The following VAV1 variants were observed in gnomAD, a reference collection of about 807,000 sequenced individuals.
VAV1 encodes vav guanine nucleotide exchange factor 1, also known as proto-oncogene vav.
VAV1 carries 33 observed loss-of-function variants against 128.1 expected under a neutral mutation model. That is an observed-to-expected ratio of 0.26 (90% CI 0.20 to 0.34). The LOEUF (loss-of-function observed/expected upper bound fraction) is 0.34. Ranked by LOEUF, VAV1 falls within the 10% of genes least tolerant of loss-of-function variation. The pLI is 1.00. For missense variants in VAV1, 715 were observed against 1,093.7 expected (o/e 0.65, Z 4.88); for synonymous variants, 394 against 409.8 (o/e 0.96, Z 0.47).
intron 1 of VAV1, 46 bp downstream of exon 1, chr19:6,773,057 C>T: frequency 6.2e-7 from 1 of 1,609,748 alleles, no homozygotes; most frequent in Middle Eastern, 1.7e-4. Context: ...AGACGGGGGT[C>T]CTCCCCGGGG....
intron 1 of VAV1, among the ~76,000 whole-genome samples, chr19:6,773,451 C>T (rs1970547775): frequency 1.3e-5 from 2 of 152,180 alleles, no homozygotes; most frequent in South Asian, 4.1e-4. Flanking sequence ...TCTTCCCCCA[C>T]ATGTGTCTCC....
chr19:6,856,254 G>A (rs184546903), intron 26 of VAV1, among the ~76,000 whole-genome samples: 3 of 151,644 alleles, frequency 2.0e-5, no homozygotes, highest in Admixed American at 6.6e-5. Context: ...CTGAGATCGC[G>A]CCACTGCACT....
chr19:6,793,453 T>C (rs150760063), intron 1 of VAV1, among the ~76,000 whole-genome samples: 150 of 152,188 alleles, frequency 9.9e-4, no homozygotes, highest in African/African-American at 3.5e-3. Context: ...GGGTGATTTG[T>C]TGGGGGAGCT....
chr19:6,804,160 T>C (rs1971333686), intron 1 of VAV1, among the ~76,000 whole-genome samples: 1 of 151,860 alleles, frequency 6.6e-6, no homozygotes, highest in Non-Finnish European at 1.5e-5. Context: ...ATACCCATCA[T>C]CATACATGTG....
rs1039568688 is a variant in VAV1 at position 6,842,402 on chromosome 19, G to A, written c.1981-733G>A. ...TATGGTTTTGCAACTCTTCAGCTCC[G>A]CCCCTGTAGTGCAAAAGTAGCCACA... On this transcript the variant is annotated intron_variant, in intron 21 of 26. Coordinates refer to ENST00000602142, the MANE Select transcript of VAV1 (RefSeq NM_005428.4). Among the ~76,000 whole-genome samples, 26 of 152,084 alleles carry A rather than the reference G, an allele frequency of 1.7e-4. 1 individual carries two copies. The highest frequency in any genetic ancestry group is 5.6e-4 in the African/African-American group (23 of 41,404).
intron 1 of VAV1, among the ~76,000 whole-genome samples, chr19:6,801,348 C>T (rs2144731366): frequency 1.3e-5 from 2 of 152,300 alleles, no homozygotes; most frequent in East Asian, 3.9e-4. Context: ...GCTCCCTCAA[C>T]TTGCCGGGCT....
intron 1 of VAV1, chr19:6,816,617 G>C (rs1223614243): frequency 6.6e-6 from 1 of 151,930 alleles, no homozygotes; most frequent in Non-Finnish European, 1.5e-5. Context: ...ACTTACTCTT[G>C]CTGTTAATCT....
chr19:6,857,245 C>T lies in VAV1; in HGVS notation c.*138C>T, dbSNP rs1349036848. 8.5e-6 allele frequency: 10 copies of T among 1,175,226 alleles called. No individual in the cohort carries two copies. Among genetic ancestry groups the T allele is most frequent in the Middle Eastern group, 5.8e-4 (2 of 3,434 alleles). 72.8% of individuals were successfully genotyped at this position (1,175,226 alleles called of 1,614,324 possible). A position where few individuals can be genotyped will look rare whatever the true frequency, so the allele number is the denominator to read the frequency against. ...CTGGAGGAGGCCAGCGTCCAGCTGG[C>T]GGTGCTCCCGGGATGTGCCCTGACA... On this transcript the variant is annotated 3_prime_UTR_variant, in exon 27 of 27. Transcript: ENST00000602142.
At position 6,826,622 on chromosome 19, in the gene VAV1, T is replaced by C; in HGVS notation, c.838T>C (p.Tyr280His). 1 of 1,554,604 alleles carries C rather than the reference T, an allele frequency of 6.4e-7. No individual in the cohort carries two copies. Among genetic ancestry groups the C allele is most frequent in the Non-Finnish European group, 8.7e-7 (1 of 1,149,200 alleles). The change falls in exon 9 of 27, where the codon TAT becomes CAT. Residue 280 changes from tyrosine to histidine, a missense_variant. Physicochemically the swap from Tyr to His is moderately conservative, Grantham distance 83. This residue lies in a region of VAV1 where 302 missense variants were observed against 477.8 expected (regional missense o/e 0.63). Coordinates refer to ENST00000602142, the MANE Select transcript of VAV1 (RefSeq NM_005428.4). The surrounding 1 kb of genome is among the most constrained non-coding windows in gnomAD (Gnocchi z 4.1). ...FIKYKERFLV[Y>H]GRYCSQVESA... is the part of the protein sequence containing the mutation. ...GTCTTCTCCCTGTAGGTTCCTCGTC[T>C]ATGGCCGCTACTGCAGCCAGGTGGA...
intron 22 of VAV1, 119 bp from the exon 23 acceptor site, chr19:6,847,879 C>A: frequency 1.1e-6 from 1 of 906,022 alleles, no homozygotes; most frequent in Non-Finnish European, 1.6e-6. Context: ...CTGTTAGAGC[C>A]AGGCTGTCAC....
intron 4 of VAV1, 22 bp downstream of exon 4, chr19:6,821,881 C>T (rs375611572): frequency 4.2e-5 from 68 of 1,613,860 alleles, no homozygotes; most frequent in African/African-American, 1.9e-4. Flanking sequence ...GGCCTGTGGC[C>T]GCACAGCTCA....
chr19:6,849,259 G>T (rs1015885317), intron 23 of VAV1, among the ~76,000 whole-genome samples: 3 of 141,228 alleles, frequency 2.1e-5, no homozygotes, highest in African/African-American at 5.4e-5. Context: ...TCCCTCTAGT[G>T]CTCCCCCGAG....
chr19:6,799,873 A>G (rs376975991), intron 1 of VAV1, among the ~76,000 whole-genome samples: 3 of 150,878 alleles, frequency 2.0e-5, no homozygotes, highest in East Asian at 4.2e-4. Context: ...AAAAGGAAAG[A>G]AAAGAAAACA....
At position 6,853,182 on chromosome 19, in the gene VAV1, T is replaced by C. The variant is rs1421406134; in HGVS notation, c.2332+103T>C. ...ACCCCTTCCAATGGCCTTGCAGAGG[T>C]CATATCTGTGCAGTAGCAGGAACCC... On this transcript the variant is annotated intron_variant, in intron 25 of 26. Coordinates refer to ENST00000602142, the MANE Select transcript of VAV1 (RefSeq NM_005428.4). 1.7e-5 allele frequency: 15 copies of C among 899,408 alleles called. No individual in the cohort carries two copies. The East Asian group carries it at 4.4e-4, about 26-fold the overall frequency. 55.7% of individuals were successfully genotyped at this position (899,408 alleles called of 1,614,324 possible).
chr19:6,840,441 G>T (rs1374091868), intron 21 of VAV1, among the ~76,000 whole-genome samples: 1 of 151,866 alleles, frequency 6.6e-6, no homozygotes, highest in East Asian at 1.9e-4. Context: ...GAGTAGCTGG[G>T]ACTACAGGCA....
At chr19:6,783,376 T>C (rs1225449209) in intron 1 of VAV1, among the ~76,000 whole-genome samples, 1 of 151,884 alleles carries the variant, frequency 6.6e-6, no homozygotes, top group Non-Finnish European at 1.5e-5. Flanking sequence ...TGGTCTTAGC[T>C]TCCCGAAGGC....
intron 22 of VAV1, among the ~76,000 whole-genome samples, chr19:6,847,553 T>C (rs1972554682): frequency 6.6e-6 from 1 of 152,180 alleles, no homozygotes; most frequent in Non-Finnish European, 1.5e-5. Flanking sequence ...GAATACTGTT[T>C]GTTTTACTTA....
In VAV1 at chr19:6,843,117, C is replaced by T; in HGVS notation, c.1981-18C>T. 6.2e-7 allele frequency: 1 copy of T among 1,613,782 alleles called. No homozygotes were observed. Among genetic ancestry groups the T allele is most frequent in the African/African-American group, 1.3e-5 (1 of 75,024 alleles). Reference sequence around the variant, plus strand: ...TGGGGTCTTTACACTAAGTTGGGGTCTCTCTCTGTATTCTTAGGGCCCTCC... The same window carrying T: ...TGGGGTCTTTACACTAAGTTGGGGTTTCTCTCTGTATTCTTAGGGCCCTCC... On this transcript the variant is annotated intron_variant, in intron 21 of 26. Transcript: ENST00000602142.
At chr19:6,845,972 G>A (rs989789951) in intron 22 of VAV1, among the ~76,000 whole-genome samples, 9 of 147,668 alleles carry the variant, frequency 6.1e-5, no homozygotes, top group African/African-American at 1.5e-4. Flanking sequence ...TATCATATGC[G>A]TTATATAATA....
Sources: allele counts gnomAD v4.1 joint callset (sites outside exome capture counted in the v4.1 genomes callset), GRCh38; gene constraint gnomAD v4.1.1; regional missense constraint gnomAD v4.1.1; non-coding constraint Gnocchi (gnomAD v3.1); transcripts MANE v1.5; gene names NCBI Gene and HGNC (gene_info 2026-07-23, HGNC 2026-07-21).